RCC2: variants seen among roughly 807,000 people sequenced by gnomAD.
The protein encoded by RCC2 is protein RCC2.
RCC2 carries 19 observed loss-of-function variants against 64.1 expected under a neutral mutation model. The observed-to-expected ratio is 0.30, with a 90% CI of 0.21 to 0.44. The LOEUF is 0.44. Ranked by LOEUF, RCC2 falls within the 20% of genes least tolerant of loss-of-function variation. The probability of loss-of-function intolerance (pLI) is 1.00; values close to 1 mark genes in which losing one functional copy is unlikely to be tolerated. For synonymous variants in RCC2, 325 were observed against 279.6 expected, an observed-to-expected ratio of 1.16 and a Z score of -1.62; for missense variants, 508 against 710.4, an observed-to-expected ratio of 0.72 and a Z score of 3.24.
At chr1:17,433,948 C>G (rs778635413) in intron 2 of RCC2, among the ~76,000 whole-genome samples, 6 of 152,122 alleles carry the variant, frequency 3.9e-5, no homozygotes, top group Non-Finnish European at 5.9e-5. Context: ...CTTTCAGATT[C>G]AACACATCTG....
intron 5 of RCC2, 95 bp from the exon 6 acceptor site, chr1:17,422,386 C>A (rs1163350880): frequency 2.5e-6 from 3 of 1,181,774 alleles, no homozygotes; most frequent in Non-Finnish European, 3.7e-6. Flanking sequence ...AAAAACAGCT[C>A]ATTTGCCAGG....
At position 17,422,201 on chromosome 1, in the gene RCC2, A is replaced by C. The variant is rs60580590; in HGVS notation, c.744+2T>G. The C allele has an allele frequency of 6.2e-7, 1 of 1,601,536 alleles. No individual in the cohort carries two copies. Among genetic ancestry groups the C allele is most frequent in the East Asian group, 2.2e-5 (1 of 44,606 alleles). On this transcript the variant is annotated splice_donor_variant, in intron 6 of 12. Transcript: ENST00000375436. LOFTEE classifies it high-confidence loss of function. Reference sequence around the variant, plus strand: ...ATGGAGCCGGAGCTGAGGAGGGGTCACCTGCGCGGGGCTGGGAACAGCGTC... The same window carrying C: ...ATGGAGCCGGAGCTGAGGAGGGGTCCCCTGCGCGGGGCTGGGAACAGCGTC...
chr1:17,413,305 C>T (rs2075446430), intron 9 of RCC2, 127 bp from the exon 10 acceptor site: 4 of 867,112 alleles, frequency 4.6e-6, no homozygotes, highest in Admixed American at 2.1e-5. Flanking sequence ...ATAACTGGAG[C>T]CAGGCGTGGT....
At chr1:17,412,845 T>C (rs2075441824) in intron 10 of RCC2, among the ~76,000 whole-genome samples, 2 of 152,194 alleles carry the variant, frequency 1.3e-5, no homozygotes, top group South Asian at 4.1e-4. Context: ...ACCTTCAAAA[T>C]GACTTTCTTC....
chr1:17,418,356 G>A (rs6678862), intron 7 of RCC2, among the ~76,000 whole-genome samples: 99,025 of 151,936 alleles, frequency 0.65, 32,437 homozygotes, highest in African/African-American at 0.71. Context: ...ACATCTGTCC[G>A]TTTAAAAGTC....
At chr1:17,436,467 C>G (rs2075736690) in intron 2 of RCC2, among the ~76,000 whole-genome samples, 1 of 152,096 alleles carries the variant, frequency 6.6e-6, no homozygotes. Flanking sequence ...GAGATCGTGC[C>G]ACTGCACTCC....
At chr1:17,412,077 CT>C (rs1317139433) in intron 11 of RCC2, 44 bp downstream of exon 11, 1 of 1,565,462 alleles carries the variant, frequency 6.4e-7, no homozygotes, top group South Asian at 1.1e-5. Context: ...ATGAGCCACC[CT>C]GACTGGCTTC....
intron 3 of RCC2, 126 bp from the exon 4 acceptor site, chr1:17,425,810 G>A (rs1322473558): frequency 4.2e-6 from 4 of 961,516 alleles, no homozygotes; most frequent in Non-Finnish European, 6.2e-6. Context: ...GTGCCACCCT[G>A]CCTTGGCTGT....
chr1:17,410,109 G>A, intron 11 of RCC2, 58 bp from the exon 12 acceptor site: 2 of 1,458,848 alleles, frequency 1.4e-6, no homozygotes, highest in Admixed American at 3.4e-5. Flanking sequence ...GTCCACAAGT[G>A]GGGAATCACG....
intron 11 of RCC2, among the ~76,000 whole-genome samples, chr1:17,410,319 A>G (rs1218901660): frequency 1.3e-5 from 2 of 152,218 alleles, no homozygotes; most frequent in African/African-American, 4.8e-5. Flanking sequence ...CTGTGTGCAC[A>G]AGTCCCTTCT....
intron 7 of RCC2, among the ~76,000 whole-genome samples, chr1:17,418,026 T>C (rs534282370): frequency 7.5e-6 from 1 of 134,060 alleles, no homozygotes; most frequent in East Asian, 2.0e-4. Flanking sequence ...TACATGCAAA[T>C]ACTATGCCAT....
chr1:17,425,762 G>A, intron 3 of RCC2, 78 bp from the exon 4 acceptor site: 1 of 1,460,526 alleles, frequency 6.8e-7, no homozygotes, highest in Non-Finnish European at 9.4e-7. Context: ...CCACCAAGCA[G>A]CCACTTCCCG....
At position 17,413,658 on chromosome 1, in the gene RCC2, C is replaced by A. The variant is rs577150048; in HGVS notation, c.1086G>T (p.Leu362=). The A allele has an allele frequency of 1.9e-6, 3 of 1,614,202 alleles. No homozygotes were observed. Among genetic ancestry groups the A allele is most frequent in the Admixed American group, 3.3e-5 (2 of 60,028 alleles). Residue 362 remains leucine, a synonymous_variant, in exon 9 of 13, where the codon CTG becomes CTT. Coordinates refer to ENST00000375436, the MANE Select transcript of RCC2 (RefSeq NM_018715.4). ...TCTCATCCTTCTGCTCTGCGTGGCC[C>A]AGCCGGCCATAGCCACCAAAGCCCC... ...FSWGFGGYGR[L]GHAEQKDEMV...
intron 2 of RCC2, among the ~76,000 whole-genome samples, chr1:17,434,850 C>G (rs1455054182): frequency 6.6e-6 from 1 of 152,204 alleles, no homozygotes; most frequent in East Asian, 1.9e-4. Flanking sequence ...TGGTGGCTCA[C>G]GCCTGTAATC....
chr1:17,422,930 C>T, intron 4 of RCC2, 94 bp from the exon 5 acceptor site: 2 of 1,487,052 alleles, frequency 1.3e-6, no homozygotes, highest in East Asian at 2.3e-5. Flanking sequence ...TCAAATGATG[C>T]CCATCTGTCT....
rs7522509 is a variant in RCC2, at chr1:17,412,248, C to T, written c.1314-54G>A. 4.3e-3 allele frequency: 6,661 copies of T among 1,558,556 alleles called. 267 individuals carry two copies. The African/African-American group carries it at 0.078, about 18-fold the overall frequency. ...GCCAGCAGCCCCAGACCTGCACCCACGCAGCTATGGCTCAAGGGCATGAGT... is the reference window on the plus strand; with the variant it reads ...GCCAGCAGCCCCAGACCTGCACCCATGCAGCTATGGCTCAAGGGCATGAGT... On this transcript the variant is annotated intron_variant, in intron 10 of 12. Coordinates refer to ENST00000375436, the MANE Select transcript of RCC2 (RefSeq NM_018715.4).
In RCC2 at chr1:17,413,163, C is replaced by A; in HGVS notation, c.1223G>T (p.Trp408Leu). The A allele has an allele frequency of 6.2e-7, 1 of 1,613,488 alleles. No individual in the cohort carries two copies. The highest frequency in any genetic ancestry group is 8.5e-7 in the Non-Finnish European group (1 of 1,179,520). The change falls in exon 10 of 13, where the codon TGG (tryptophan) becomes TTG (leucine). Residue 408 changes from tryptophan (W) to leucine (L), a missense_variant. Transcript: ENST00000375436. ...TTCACGGGAGGTGTTGGTGGCCCCC[C>A]AGAAAAACAGACCACCTAAGGGAAG... ...AVSEVGGLFF[W>L]GATNTSREST... is the part of the protein sequence containing the mutation.
chr1:17,422,785 G>A lies in RCC2; in HGVS notation c.575C>T (p.Ala192Val), dbSNP rs760568692. 4 of 1,614,016 alleles carry A rather than the reference G, an allele frequency of 2.5e-6. No individual in the cohort carries two copies. In the South Asian group the frequency reaches 3.3e-5, roughly 13 times the overall value. ...LGHGDTKRVE[A>V]PRLIEGLSHE... Reference sequence around the variant, plus strand: ...GCTAAGACCCTCGATGAGTCTAGGGGCTTCTACTCTCTTGGTGTCACCATG... The same window carrying A: ...GCTAAGACCCTCGATGAGTCTAGGGACTTCTACTCTCTTGGTGTCACCATG... Residue 192 changes from alanine to valine, a missense_variant, in exon 5 of 13, where the codon GCC (alanine) becomes GTC (valine). Transcript: ENST00000375436.
chr1:17,406,977 C>A lies in RCC2; in HGVS notation c.*2113G>T, dbSNP rs2075367400. 1 of 152,224 alleles carries A rather than the reference C, an allele frequency of 6.6e-6. No individual in the cohort carries two copies. Among genetic ancestry groups the A allele is most frequent in the African/African-American group, 2.4e-5 (1 of 41,452 alleles). 9.4% of individuals were successfully genotyped at this position (152,224 alleles called of 1,614,324 possible). A position where few individuals can be genotyped will look rare whatever the true frequency, so the allele number is the denominator to read the frequency against. On this transcript the variant is annotated 3_prime_UTR_variant, in exon 13 of 13. Transcript: ENST00000375436. ...GGGTCAGCGCCAAGCACATTCCCAA[C>A]CGGGCAACTGTGTACCTTTCTCTAG...
Sources: allele counts gnomAD v4.1 joint callset (sites outside exome capture counted in the v4.1 genomes callset), GRCh38; gene constraint gnomAD v4.1.1; transcripts MANE v1.5; gene names NCBI Gene and HGNC (gene_info 2026-07-23, HGNC 2026-07-21).